HCN1: variants seen among roughly 807,000 people sequenced by gnomAD.
The protein encoded by HCN1 is hyperpolarization activated cyclic nucleotide gated potassium channel 1, also known as potassium/sodium hyperpolarization-activated cyclic nucleotide-gated channel 1.
In HCN1, 13 loss-of-function variants were observed where a neutral mutation model predicts 78.9. The ratio of observed to expected loss-of-function variants is 0.16; its 90% CI spans 0.11 to 0.26. The LOEUF (loss-of-function observed/expected upper bound fraction) is 0.26, where lower values mean the gene tolerates loss of function less well. Ranked by LOEUF, HCN1 falls within the 10% of genes least tolerant of loss-of-function variation. The pLI is 1.00. For missense variants in HCN1, 810 were observed against 1,154.3 expected (o/e 0.70, Z 4.32); for synonymous variants, 552 against 455.5 (o/e 1.21, Z -2.70).
At chr5:45,687,301 C>T (rs1023925571) in intron 1 of HCN1, among the ~76,000 whole-genome samples, 5 of 152,114 alleles carry the variant, frequency 3.3e-5, no homozygotes, top group Admixed American at 2.6e-4. Flanking sequence ...TCAGTTGCTG[C>T]TATCTGGAAA....
intron 2 of HCN1, among the ~76,000 whole-genome samples, chr5:45,544,865 C>A (rs935465307): frequency 6.6e-6 from 1 of 151,982 alleles, no homozygotes; most frequent in African/African-American, 2.4e-5. Context: ...GACATTTGGA[C>A]TGGTTCCAAG....
At chr5:45,602,037 C>T (rs182179428) in intron 2 of HCN1, among the ~76,000 whole-genome samples, 1 of 152,132 alleles carries the variant, frequency 6.6e-6, no homozygotes, top group African/African-American at 2.4e-5. Context: ...TAAGGGGCTT[C>T]CCGCTTCACT....
At chr5:45,425,896 G>A (rs1390694904) in intron 3 of HCN1, among the ~76,000 whole-genome samples, 1 of 152,114 alleles carries the variant, frequency 6.6e-6, no homozygotes, top group East Asian at 1.9e-4. Context: ...AAAGACAGAT[G>A]CTTGGGAATG....
intron 2 of HCN1, among the ~76,000 whole-genome samples, chr5:45,517,243 G>A (rs779360123): frequency 6.6e-6 from 1 of 151,786 alleles, no homozygotes; most frequent in Non-Finnish European, 1.5e-5. Flanking sequence ...TCTCTAATCA[G>A]ACACAATTTC....
chr5:45,450,111 G>A (rs997092430), intron 3 of HCN1, among the ~76,000 whole-genome samples: 3 of 152,184 alleles, frequency 2.0e-5, no homozygotes, highest in African/African-American at 7.2e-5. Context: ...GATTACAGGC[G>A]TGAGCCACCG....
chr5:45,642,822 A>C (rs1430543807), intron 2 of HCN1: 1 of 152,154 alleles, frequency 6.6e-6, no homozygotes, highest in African/African-American at 2.4e-5. Context: ...TAGGTGATGG[A>C]AAGATTAATT....
chr5:45,636,654 C>A (rs759028783), intron 2 of HCN1, among the ~76,000 whole-genome samples: 2 of 151,916 alleles, frequency 1.3e-5, no homozygotes, highest in Non-Finnish European at 2.9e-5. Flanking sequence ...TCCAGACCAG[C>A]CAGGACAATA....
intron 2 of HCN1, among the ~76,000 whole-genome samples, chr5:45,570,623 A>G (rs1743807237): frequency 6.6e-6 from 1 of 152,162 alleles, no homozygotes; most frequent in South Asian, 2.1e-4. Flanking sequence ...TTTTATACCT[A>G]CATTGTATCC....
chr5:45,440,612 T>A (rs528232818), intron 3 of HCN1, among the ~76,000 whole-genome samples: 1 of 152,268 alleles, frequency 6.6e-6, no homozygotes, highest in South Asian at 2.1e-4. Flanking sequence ...CACATCAAAC[T>A]CCCTGTGCTG....
chr5:45,349,409 C>T (rs911417094), intron 5 of HCN1, among the ~76,000 whole-genome samples: 3 of 152,114 alleles, frequency 2.0e-5, no homozygotes, highest in Admixed American at 2.0e-4. Context: ...TAAATGCCCA[C>T]AAGAGAAAGC....
At chr5:45,645,690 T>C (rs762282675) in intron 1 of HCN1, 82 bp from the exon 2 acceptor site, 1 of 750,506 alleles carries the variant, frequency 1.3e-6, no homozygotes. Flanking sequence ...TACTGATATA[T>C]AGTGAGATCA....
intron 5 of HCN1, among the ~76,000 whole-genome samples, chr5:45,307,141 A>T (rs1036496593): frequency 1.4e-4 from 22 of 152,270 alleles, no homozygotes; most frequent in African/African-American, 5.0e-4. Context: ...CTTGAGTAAC[A>T]ACAATAAAAA....
At chr5:45,453,462 A>G (rs1740963454) in intron 3 of HCN1, among the ~76,000 whole-genome samples, 1 of 152,094 alleles carries the variant, frequency 6.6e-6, no homozygotes. Context: ...AACCCAACAC[A>G]CACATACAAA....
chr5:45,545,901 A>G (rs768988718), intron 2 of HCN1, among the ~76,000 whole-genome samples: 1 of 151,984 alleles, frequency 6.6e-6, no homozygotes, highest in Non-Finnish European at 1.5e-5. Flanking sequence ...GACACCTCAG[A>G]TGTGTTTTAG....
At chr5:45,553,165 G>C (rs993257519) in intron 2 of HCN1, among the ~76,000 whole-genome samples, 1 of 151,808 alleles carries the variant, frequency 6.6e-6, no homozygotes, top group African/African-American at 2.4e-5. Flanking sequence ...CATCAATCAG[G>C]AAAGATTAAC....
intron 3 of HCN1, among the ~76,000 whole-genome samples, chr5:45,424,705 C>A (rs1239096618): frequency 6.6e-6 from 1 of 152,000 alleles, no homozygotes; most frequent in African/African-American, 2.4e-5. Flanking sequence ...TTATTACTGA[C>A]AATGTTGAAA....
chr5:45,625,320 A>AACAAT (rs1460703337), intron 2 of HCN1, among the ~76,000 whole-genome samples: 1 of 151,836 alleles, frequency 6.6e-6, no homozygotes, highest in Non-Finnish European at 1.5e-5. Context: ...AACAAAACAA[A>AACAAT]ACAAAACAAA....
chr5:45,558,730 T>A (rs1337769258), intron 2 of HCN1: 1 of 151,968 alleles, frequency 6.6e-6, no homozygotes, highest in African/African-American at 2.4e-5. Flanking sequence ...AAGTGGAATT[T>A]AAAAATAGGC....
At chr5:45,471,153 G>T (rs1741382754) in intron 2 of HCN1, among the ~76,000 whole-genome samples, 1 of 151,736 alleles carries the variant, frequency 6.6e-6, no homozygotes, top group East Asian at 1.9e-4. Context: ...CCAAACATAG[G>T]TTTAATTTCT....
Sources: allele counts gnomAD v4.1 joint callset (sites outside exome capture counted in the v4.1 genomes callset), GRCh38; gene constraint gnomAD v4.1.1; transcripts MANE v1.5; gene names NCBI Gene and HGNC (gene_info 2026-07-23, HGNC 2026-07-21).